KIF24: variants seen among roughly 807,000 people sequenced by gnomAD.
KIF24 encodes kinesin-like protein KIF24.
In KIF24, 81 loss-of-function variants were observed where a neutral mutation model predicts 118.9. The ratio of observed to expected loss-of-function variants is 0.68; its 90% confidence interval spans 0.57 to 0.82. The LOEUF (loss-of-function observed/expected upper bound fraction) is 0.82. Among genes scored for constraint, KIF24 ranks in the 40% least tolerant of loss-of-function variants. The pLI, the probability that KIF24 is intolerant of heterozygous loss-of-function variation, is 0.00. For missense variants in KIF24, 1,560 were observed against 1,661.6 expected, an observed-to-expected ratio of 0.94 and a Z score of 1.06; for synonymous variants, 599 against 610.0, an observed-to-expected ratio of 0.98 and a Z score of 0.27.
At position 34,269,092 on chromosome 9, in the gene KIF24, A is replaced by C. The variant is rs563013323; in HGVS notation, c.1443+165T>G. On this transcript the variant is annotated intron_variant, in intron 8 of 12. Transcript: ENST00000402558. ...AAGAAAATAGTTGCCTAGAATTGTG[A>C]GAGTCTGTCTGGTCAGCCCTCTATC... is the stretch of plus-strand genomic sequence containing the variant. Among the ~76,000 whole-genome samples, 3 of 152,322 alleles carry C rather than the reference A, an allele frequency of 2.0e-5. No homozygotes were observed. In the South Asian group the frequency reaches 6.2e-4, roughly 32 times the overall value.
At chr9:34,269,075 AG>A (rs1329280855) in intron 8 of KIF24, among the ~76,000 whole-genome samples, 181 bp downstream of exon 8, 1 of 152,214 alleles carries the variant, frequency 6.6e-6, no homozygotes, top group Admixed American at 6.5e-5. Context: ...AGAAGAAAAT[AG>A]TTGCCTAGAA....
At chr9:34,309,177 A>G (rs1042506527) in intron 2 of KIF24, among the ~76,000 whole-genome samples, 1 of 152,226 alleles carries the variant, frequency 6.6e-6, no homozygotes, top group East Asian at 1.9e-4. Context: ...ATGGTGTTAA[A>G]TAAAGTGGTA....
chr9:34,309,960 C>A (rs1587964533), intron 2 of KIF24, among the ~76,000 whole-genome samples: 1 of 126,694 alleles, frequency 7.9e-6, no homozygotes. Context: ...TAAAATAAAA[C>A]AAGGAGTACT....
At chr9:34,284,718 C>T (rs1006087258) in intron 6 of KIF24, among the ~76,000 whole-genome samples, 6 of 152,044 alleles carry the variant, frequency 3.9e-5, no homozygotes, top group African/African-American at 1.4e-4. Flanking sequence ...GCACAAAAGT[C>T]AGGATAATAG....
chr9:34,318,349 A>C lies in KIF24; in HGVS notation c.-25-6978T>G. 8.0e-5 allele frequency: 36 copies of C among 449,172 alleles called. No individual in the cohort carries two copies. Among genetic ancestry groups the C allele is most frequent in the East Asian group, 1.7e-4 (3 of 17,724 alleles). 27.8% of individuals were successfully genotyped at this position (449,172 alleles called of 1,614,324 possible). ...AGCCCAGCCCAACCCAGCCCAACCC[A>C]GCTTGACCTAGCCCTGACAGGTCCA... is the stretch of plus-strand genomic sequence containing the variant. On this transcript the variant is annotated intron_variant, in intron 1 of 12. Coordinates refer to ENST00000402558, the MANE Select transcript of KIF24 (RefSeq NM_194313.4). This position sits in a 1 kb window ranked among gnomAD's most constrained non-coding sequence, Gnocchi z 4.9.
chr9:34,323,236 G>T (rs1030695196), intron 1 of KIF24, among the ~76,000 whole-genome samples: 5 of 152,108 alleles, frequency 3.3e-5, no homozygotes, highest in Non-Finnish European at 7.4e-5. Context: ...TAGTTTTCAA[G>T]AAATTGTTTC....
intron 1 of KIF24, among the ~76,000 whole-genome samples, chr9:34,311,721 TATACACGTATATATATAC>T (rs1373786715): frequency 1.6e-4 from 22 of 136,272 alleles, no homozygotes; most frequent in Non-Finnish European, 2.5e-4. Context: ...TATATATGTA[TATACACGTATATATATAC>T]ATATATACGT....
chr9:34,324,587 A>G (rs907382713), intron 1 of KIF24, among the ~76,000 whole-genome samples: 1 of 152,178 alleles, frequency 6.6e-6, no homozygotes, highest in African/African-American at 2.4e-5. Context: ...ACCATCTTCC[A>G]GACTGTAGAG....
rs41274039 is a variant in KIF24, at chr9:34,255,990, A to C, written c.3617T>G (p.Leu1206Arg). Residue 1206 changes from leucine to arginine, a missense_variant, in exon 11 of 13, where the codon CTC becomes CGC. Transcript: ENST00000402558. Reference protein sequence around the residue: ...HMGVPHSGPTLTPRTGSSDVA... With the variant: ...HMGVPHSGPTRTPRTGSSDVA... ...ATCACTACTTCCTGTTCGTGGGGTG[A>C]GTGTAGGTCCAGAATGGGGTACCCC... 14,912 of 1,613,834 alleles carry C rather than the reference A, an allele frequency of 9.2e-3. 83 individuals are homozygous for C. The highest frequency in any genetic ancestry group is 0.012 in the Non-Finnish European group (13,710 of 1,179,826).
Position 34,306,446 on chromosome 9 carries a change from T to C in KIF24, c.624-5A>G, listed in dbSNP as rs1587960743. 3 of 1,564,636 alleles carry C rather than the reference T, an allele frequency of 1.9e-6. No individual in the cohort carries two copies. Among genetic ancestry groups the C allele is most frequent in the African/African-American group, 1.4e-5 (1 of 72,640 alleles). ...TGTTTCTCTGAAGTGTTCTGTCTAA[T>C]ATGTTTATAAACAGGCTTTTAATTT... On this transcript the variant is annotated splice_polypyrimidine_tract_variant and splice_region_variant and intron_variant, in intron 2 of 12. Coordinates refer to ENST00000402558, the MANE Select transcript of KIF24 (RefSeq NM_194313.4).
chr9:34,299,825 T>A (rs75542644), intron 3 of KIF24, among the ~76,000 whole-genome samples: 1 of 31,694 alleles, frequency 3.2e-5, no homozygotes, highest in Admixed American at 4.2e-4. Context: ...TGTGTGTGCG[T>A]GTGTGTGTGT....
chr9:34,269,041 A>T (rs1476812518), intron 8 of KIF24, among the ~76,000 whole-genome samples: 3 of 152,204 alleles, frequency 2.0e-5, no homozygotes, highest in Non-Finnish European at 4.4e-5. Flanking sequence ...GCATGGATTG[A>T]CCAGGGGAAA....
intron 1 of KIF24, chr9:34,319,568 C>T (rs1837448360): frequency 1.8e-6 from 2 of 1,086,690 alleles, no homozygotes; most frequent in South Asian, 1.3e-5. Context: ...CCTTCATCTT[C>T]CTGGTGTGGG....
In KIF24 at chr9:34,257,716, C is replaced by T. The variant is rs1272728301; in HGVS notation, c.1891G>A (p.Gly631Ser). ...TGTGAAGGACTCCCTCTGGAGCCAC[C>T]CCTTTTACCAGAGACCTTAGGTGCA... is the stretch of plus-strand genomic sequence containing the variant. Reference protein sequence around the residue: ...TSAPKVSGKRGGSRGSPSQEW... With the variant: ...TSAPKVSGKRSGSRGSPSQEW... Residue 631 changes from glycine (G) to serine (S), a missense_variant, in exon 11 of 13, where the codon GGT becomes AGT. Transcript: ENST00000402558. 2 of 1,613,910 alleles carry T rather than the reference C, an allele frequency of 1.2e-6. No homozygotes were observed. The highest frequency in any genetic ancestry group is 1.7e-5 in the Admixed American group (1 of 60,008).
At chr9:34,310,319 G>A (rs1450883273) in intron 2 of KIF24, among the ~76,000 whole-genome samples, 1 of 152,002 alleles carries the variant, frequency 6.6e-6, no homozygotes, top group Admixed American at 6.6e-5. Context: ...AAGTCTCCTG[G>A]TTGGGTTAAG....
At chr9:34,293,559 G>A (rs1836338045) in intron 4 of KIF24, among the ~76,000 whole-genome samples, 1 of 151,646 alleles carries the variant, frequency 6.6e-6, no homozygotes, top group Middle Eastern at 3.2e-3. Flanking sequence ...TGAATCATGA[G>A]GTCAGGAGAT....
chr9:34,286,630 T>G lies in KIF24; in HGVS notation c.1202A>C (p.Glu401Ala), dbSNP rs778463332. The change falls in exon 6 of 13, where the codon GAG becomes GCG. Residue 401 changes from glutamate to alanine, a missense_variant. Transcript: ENST00000402558. ...GLQELQVDSVELLLEVILKGS... is the reference protein window; with the variant it reads ...GLQELQVDSVALLLEVILKGS... ...AGAATTAATTACCTCTAAGAGGAGC[T>G]CCACACTGTCCACCTGAAGCTCTTG... 2.4e-5 allele frequency: 38 copies of G among 1,610,852 alleles called. No individual in the cohort carries two copies. The highest frequency in any genetic ancestry group is 4.4e-5 in the South Asian group (4 of 91,000).
intron 2 of KIF24, among the ~76,000 whole-genome samples, chr9:34,307,718 G>C (rs1836978930): frequency 6.6e-6 from 1 of 151,956 alleles, no homozygotes; most frequent in South Asian, 2.1e-4. Flanking sequence ...TTCGAGACCA[G>C]CCTGGCCAAC....
Position 34,257,157 on chromosome 9 carries a change from C to A in KIF24, c.2450G>T (p.Gly817Val), listed in dbSNP as rs757563505. Residue 817 changes from glycine to valine, a missense_variant, in exon 11 of 13, where the codon GGA becomes GTA. Physicochemically the swap from Gly to Val is moderately radical, Grantham distance 109 (BLOSUM62 -3). Coordinates refer to ENST00000402558, the MANE Select transcript of KIF24 (RefSeq NM_194313.4). ...GTCATCAAGTTCCTCTACTTGGGCTCCATCATGGTTTTCAGAGTAAGAGTG... is the reference window on the plus strand; with the variant it reads ...GTCATCAAGTTCCTCTACTTGGGCTACATCATGGTTTTCAGAGTAAGAGTG... ...LFHSYSENHD[G>V]AQVEELDDSD... is the part of the protein sequence containing the mutation. 1 of 1,613,986 alleles carries A rather than the reference C, an allele frequency of 6.2e-7. No individual in the cohort carries two copies. Among genetic ancestry groups the A allele is most frequent in the South Asian group, 1.1e-5 (1 of 91,092 alleles).
Sources: gnomAD v4.1 joint callset for allele counts (sites outside exome capture counted in the v4.1 genomes callset) on GRCh38, gnomAD v4.1.1 for gene constraint, Gnocchi (gnomAD v3.1) non-coding constraint, MANE v1.5 for transcripts, NCBI Gene and HGNC (gene_info 2026-07-23, HGNC 2026-07-21) for gene names.